TRMU: variants seen among roughly 807,000 people sequenced by gnomAD.
The protein encoded by TRMU is mitochondrial tRNA-specific 2-thiouridylase 1.
Under a neutral mutation model 46.9 loss-of-function variants are expected in TRMU, and 49 were observed. The ratio of observed to expected loss-of-function variants is 1.05; its 90% CI spans 0.83 to 1.33. The LOEUF (loss-of-function observed/expected upper bound fraction) is 1.33, where lower values mean the gene tolerates loss of function less well. Ranked by LOEUF, TRMU falls within the 40% of genes most tolerant of loss-of-function variation. The pLI, the probability that TRMU is intolerant of heterozygous loss-of-function variation, is 0.00. For synonymous variants in TRMU, 241 were observed against 200.9 expected (o/e 1.20, Z -1.69); for missense variants, 572 against 532.4 (o/e 1.07, Z -0.73).
rs964993289 is a variant in TRMU at position 46,342,152 on chromosome 22, C to G, written c.249-1110C>G. ...GTTCAGTCCCCCAGACGGACTCCCC[C>G]CACAACAGCAGTCGAAAGTATGGGC... On this transcript the variant is annotated intron_variant, in intron 2 of 10. Coordinates refer to ENST00000645190, the MANE Select transcript of TRMU (RefSeq NM_018006.5). The surrounding 1 kb of genome is among the most constrained non-coding windows in gnomAD (Gnocchi z 4.7). Among the ~76,000 whole-genome samples, 3 of 152,218 alleles carry G rather than the reference C, an allele frequency of 2.0e-5. No homozygotes were observed. The highest frequency in any genetic ancestry group is 4.4e-5 in the Non-Finnish European group (3 of 68,036).
At chr22:46,355,018 A>C in intron 8 of TRMU, 1 of 250,710 alleles carries the variant, frequency 4.0e-6, no homozygotes, top group Non-Finnish European at 7.9e-6. Flanking sequence ...TGGTGTGTGG[A>C]GGAATTCCTG....
rs775866695 is a variant in TRMU, at chr22:46,352,141, C to T, written c.672C>T (p.Ile224=). The change falls in exon 6 of 11, where the codon ATC becomes ATT. Residue 224 remains isoleucine, a synonymous_variant. Transcript: ENST00000645190. ...QKKESMGMCF[I]GKRNFEHFLL... ...TTCAGAGCATGGGCATGTGTTTCAT[C>T]GGGAAGAGGAATTTTGAACATTTCC... 2.7e-5 allele frequency: 44 copies of T among 1,613,660 alleles called. No individual in the cohort carries two copies. The highest frequency in any genetic ancestry group is 1.2e-4 in the Admixed American group (7 of 59,990).
chr22:46,355,124 G>C (rs922791957), intron 8 of TRMU: 1 of 482,132 alleles, frequency 2.1e-6, no homozygotes, highest in African/African-American at 1.9e-5. Context: ...CTGCCCCACA[G>C]GTGGTTGCAG....
chr22:46,356,557 A>G (rs913135647), intron 10 of TRMU: 1 of 503,382 alleles, frequency 2.0e-6, no homozygotes, highest in South Asian at 2.5e-5. Context: ...CACATTCCCA[A>G]GGGGTGCAGA....
At chr22:46,344,997 C>T (rs558643768) in intron 3 of TRMU, among the ~76,000 whole-genome samples, 1 of 152,128 alleles carries the variant, frequency 6.6e-6, no homozygotes, top group Non-Finnish European at 1.5e-5. Context: ...TTACACTGAG[C>T]TAGTGTGGTT....
At position 46,352,283 on chromosome 22, in the gene TRMU, G is replaced by T; in HGVS notation, c.725G>T (p.Gly242Val). Residue 242 changes from glycine to valine, a missense_variant, in exon 7 of 11, where the codon GGT (glycine) becomes GTT (valine). Coordinates refer to ENST00000645190, the MANE Select transcript of TRMU (RefSeq NM_018006.5). ...FLLQYLQPRP[G>V]HFISIEDNKV... is the part of the protein sequence containing the mutation. ...TTCCAGTATCTGCAGCCTCGACCTG[G>T]TCACTTTATTTCCATAGAAGACAAT... 1 of 1,614,142 alleles carries T rather than the reference G, an allele frequency of 6.2e-7. No homozygotes were observed. Among genetic ancestry groups the T allele is most frequent in the Non-Finnish European group, 8.5e-7 (1 of 1,180,036 alleles).
At position 46,351,097 on chromosome 22, in the gene TRMU, C is replaced by T. The variant is rs911235178; in HGVS notation, c.651+634C>T. ...AGGGAATGGAGATGCCAAAAACGGC[C>T]TCAAAAGAAGTCACATGGAACCTGA... On this transcript the variant is annotated intron_variant, in intron 5 of 10. Coordinates refer to ENST00000645190, the MANE Select transcript of TRMU (RefSeq NM_018006.5). The surrounding 1 kb of genome is among the most constrained non-coding windows in gnomAD (Gnocchi z 6.4). Among the ~76,000 whole-genome samples the T allele has an allele frequency of 3.9e-5, 6 of 152,176 alleles. No individual in the cohort carries two copies. The highest frequency in any genetic ancestry group is 1.2e-4 in the African/African-American group (5 of 41,442).
rs1569078146 is a variant in TRMU at position 46,350,416 on chromosome 22, A to G, written c.604A>G (p.Lys202Glu). The change falls in exon 5 of 11, where the codon AAA becomes GAA. Residue 202 changes from lysine (K) to glutamate (E), a missense_variant. Lys to Glu is a moderately conservative substitution (Grantham distance 56). Coordinates refer to ENST00000645190, the MANE Select transcript of TRMU (RefSeq NM_018006.5). The surrounding 1 kb of genome is among the most constrained non-coding windows in gnomAD (Gnocchi z 4.6). ...LGGLTKEFVK[K>E]IAAENRLHHV... The stretch of plus-strand genomic sequence containing the variant: ...GGGATTAACGAAAGAGTTTGTAAAG[A>G]AAATCGCTGCTGAGAATAGACTTCA... The G allele has an allele frequency of 1.2e-6, 2 of 1,614,124 alleles. No individual in the cohort carries two copies. The highest frequency in any genetic ancestry group is 2.2e-5 in the South Asian group (2 of 91,084).
intron 4 of TRMU, among the ~76,000 whole-genome samples, chr22:46,346,964 G>A (rs956801628): frequency 2.0e-5 from 3 of 152,274 alleles, no homozygotes; most frequent in African/African-American, 7.2e-5. Flanking sequence ...GTGAGCACAG[G>A]ACCTGCTGTG....
intron 7 of TRMU, 92 bp downstream of exon 7, chr22:46,352,422 T>C: frequency 6.8e-7 from 1 of 1,479,690 alleles, no homozygotes; most frequent in East Asian, 2.3e-5. Flanking sequence ...CTGTCGTCCC[T>C]TCCACTTGGC....
At chr22:46,343,928 G>A (rs1601950003) in intron 3 of TRMU, among the ~76,000 whole-genome samples, 1 of 152,058 alleles carries the variant, frequency 6.6e-6, no homozygotes, top group African/African-American at 2.4e-5. Context: ...CAGCAATGAT[G>A]TAGATTAGGC....
chr22:46,349,284 C>T lies in TRMU; in HGVS notation c.479-1007C>T, dbSNP rs1020389999. 3.9e-5 allele frequency among the ~76,000 whole-genome samples: 6 copies of T among 152,208 alleles called. No homozygotes were observed. Among genetic ancestry groups the T allele is most frequent in the Admixed American group, 3.3e-4 (5 of 15,284 alleles). On this transcript the variant is annotated intron_variant, in intron 4 of 10. Transcript: ENST00000645190. The surrounding 1 kb of genome is among the most constrained non-coding windows in gnomAD (Gnocchi z 4.6). The stretch of plus-strand genomic sequence containing the variant: ...CTCGGGAGGCTGGGCAGCCTCCAGC[C>T]CCACCGCCTCCACCTGCATCACTTT...
In TRMU at chr22:46,335,733, A is replaced by G; in HGVS notation, c.-32A>G. The G allele has an allele frequency of 1.3e-6, 2 of 1,537,198 alleles. No individual in the cohort carries two copies. The highest frequency in any genetic ancestry group is 1.7e-6 in the Non-Finnish European group (2 of 1,142,974). ...TCCGGCAAGGCGCGGAAGCGGCGGT[A>G]GCTGCAGCTGGCGAAGTTGGGCGAC... On this transcript the variant is annotated 5_prime_UTR_variant, in exon 1 of 11. Coordinates refer to ENST00000645190, the MANE Select transcript of TRMU (RefSeq NM_018006.5).
At chr22:46,356,644 C>T in intron 10 of TRMU, 198 bp from the exon 11 acceptor site, 1 of 624,148 alleles carries the variant, frequency 1.6e-6, no homozygotes, top group South Asian at 1.9e-5. Context: ...TGAAGACCCT[C>T]CCTAGTGAAG....
intron 7 of TRMU, 46 bp downstream of exon 7, chr22:46,352,376 G>A (rs1291639151): frequency 6.2e-7 from 1 of 1,604,590 alleles, no homozygotes; most frequent in Non-Finnish European, 8.5e-7. Flanking sequence ...GCCTAGAGCT[G>A]TGGCGTTTCA....
At chr22:46,354,575 C>G (rs561894904) in intron 8 of TRMU, 1 of 152,854 alleles carries the variant, frequency 6.5e-6, no homozygotes. Flanking sequence ...TGTTCTGGCA[C>G]GAATGCTGGG....
Position 46,352,417 on chromosome 22 carries a change from G to T in TRMU, c.772+87G>T. On this transcript the variant is annotated intron_variant, in intron 7 of 10. Coordinates refer to ENST00000645190, the MANE Select transcript of TRMU (RefSeq NM_018006.5). Reference sequence around the variant, plus strand: ...GGGAGACTAGACCAGAGTTCCTGTCGTCCCTTCCACTTGGCTGGAGAATTG... The same window carrying T: ...GGGAGACTAGACCAGAGTTCCTGTCTTCCCTTCCACTTGGCTGGAGAATTG... The T allele has an allele frequency of 2.0e-6, 3 of 1,500,192 alleles. No individual in the cohort carries two copies. In the Admixed American group the frequency reaches 5.0e-5, roughly 25 times the overall value. The allele number at this position is 1,500,192 out of a possible 1,614,324, so 92.9% of individuals were successfully genotyped here.
chr22:46,343,802 G>A (rs778487799), intron 3 of TRMU, among the ~76,000 whole-genome samples: 6 of 152,096 alleles, frequency 3.9e-5, no homozygotes, highest in Non-Finnish European at 7.3e-5. Flanking sequence ...ACCATAATGA[G>A]TTTCTGAAGT....
Position 46,339,941 on chromosome 22 carries a change from A to T in TRMU, c.248+1997A>T, listed in dbSNP as rs9627417. Among the ~76,000 whole-genome samples the T allele has an allele frequency of 0.027, 3,859 of 140,486 alleles. 168 individuals are homozygous for T. Among genetic ancestry groups the T allele is most frequent in the African/African-American group, 0.12 (3,642 of 30,484 alleles). The allele number at this position is 140,486 out of a possible 152,430, so 92.2% of individuals were successfully genotyped here. On this transcript the variant is annotated intron_variant, in intron 2 of 10. Transcript: ENST00000645190. The surrounding 1 kb of genome is among the most constrained non-coding windows in gnomAD (Gnocchi z 4.8). ...TGCAGTTTTCTCGGGGACATAAGAA[A>T]AAAAAAAGAGTGTGGCGGCCAAATA...
Sources: allele counts gnomAD v4.1 joint callset (sites outside exome capture counted in the v4.1 genomes callset), GRCh38; gene constraint gnomAD v4.1.1; non-coding constraint Gnocchi (gnomAD v3.1); transcripts MANE v1.5; gene names NCBI Gene and HGNC (gene_info 2026-07-23, HGNC 2026-07-21).